The following VPS13B variants were observed in gnomAD, a reference collection of about 807,000 sequenced individuals.
VPS13B encodes vacuolar protein sorting 13 homolog B, also known as intermembrane lipid transfer protein VPS13B.
A neutral mutation model predicts 426.4 loss-of-function variants in VPS13B; 285 were observed. The ratio of observed to expected loss-of-function variants is 0.67; its 90% CI spans 0.61 to 0.74. VPS13B has a LOEUF of 0.74. Among genes scored for constraint, VPS13B ranks in the 30% least tolerant of loss-of-function variants. The pLI is 0.00. For missense variants in VPS13B, 4,537 were observed against 4,782.6 expected, an observed-to-expected ratio of 0.95 and a Z score of 1.51; for synonymous variants, 1,676 against 1,676.4, an observed-to-expected ratio of 1.00 and a Z score of 0.01.
In VPS13B at chr8:99,853,579, G is replaced by C. The variant is rs1032791315; in HGVS notation, c.10190G>C (p.Cys3397Ser). 2.2e-5 allele frequency: 35 copies of C among 1,614,072 alleles called. No individual in the cohort carries two copies. Among genetic ancestry groups the C allele is most frequent in the Non-Finnish European group, 2.8e-5 (33 of 1,180,040 alleles). Residue 3397 changes from cysteine to serine, a missense_variant, in exon 56 of 62, where the codon TGT becomes TCT. Coordinates refer to ENST00000357162, the MANE Select transcript of VPS13B (RefSeq NM_152564.5). Reference protein sequence around the residue: ...LRLTLDNIFLCVAPGAGPLPG... With the variant: ...LRLTLDNIFLSVAPGAGPLPG... Reference sequence around the variant, plus strand: ...CTCACACTGGACAACATTTTTCTCTGTGTGGCCCCGGGAGCTGGTCCCCTC... The same window carrying C: ...CTCACACTGGACAACATTTTTCTCTCTGTGGCCCCGGGAGCTGGTCCCCTC...
At chr8:99,061,031 TTA>T (rs1844155883) in intron 3 of VPS13B, among the ~76,000 whole-genome samples, 1 of 152,154 alleles carries the variant, frequency 6.6e-6, no homozygotes, top group Non-Finnish European at 1.5e-5. Flanking sequence ...ACACTATAAT[TTA>T]TGTCTAAATG....
chr8:99,334,754 G>T (rs1051016295), intron 19 of VPS13B, among the ~76,000 whole-genome samples: 10 of 152,080 alleles, frequency 6.6e-5, no homozygotes, highest in Admixed American at 3.3e-4. Context: ...GCTGGATTCG[G>T]TTTGCCAGTA....
chr8:99,792,726 G>A (rs1470500256), intron 43 of VPS13B, among the ~76,000 whole-genome samples: 4 of 152,106 alleles, frequency 2.6e-5, no homozygotes, highest in African/African-American at 9.7e-5. Context: ...CTTGAGTAGA[G>A]TCTTACCAAG....
intron 33 of VPS13B, among the ~76,000 whole-genome samples, chr8:99,633,742 A>G (rs1388086390): frequency 6.6e-6 from 1 of 150,618 alleles, no homozygotes; most frequent in East Asian, 2.0e-4. Context: ...ATTTCAAAGC[A>G]GGTTGTTGTT....
In VPS13B at chr8:99,135,584, A is replaced by G. The variant is rs371878090; in HGVS notation, c.1426-12A>G. ...TTTTCTTCCCATTTATAAATTTTGC[A>G]TTTGTTTTCAGGAAGCCTGTTTCTT... is the stretch of plus-strand genomic sequence containing the variant. On this transcript the variant is annotated splice_polypyrimidine_tract_variant and intron_variant, in intron 10 of 61. Coordinates refer to ENST00000357162, the MANE Select transcript of VPS13B (RefSeq NM_152564.5). 1.2e-6 allele frequency: 2 copies of G among 1,612,104 alleles called. No homozygotes were observed. Among genetic ancestry groups the G allele is most frequent in the Non-Finnish European group, 8.5e-7 (1 of 1,178,838 alleles).
At chr8:99,303,701 C>T (rs994060507) in intron 19 of VPS13B, among the ~76,000 whole-genome samples, 2 of 111,340 alleles carry the variant, frequency 1.8e-5, no homozygotes, top group Non-Finnish European at 1.7e-5. Context: ...TGCACTCCAG[C>T]GTGGGTGAGA....
intron 16 of VPS13B, among the ~76,000 whole-genome samples, chr8:99,184,035 C>T (rs555346592): frequency 5.3e-5 from 8 of 152,166 alleles, no homozygotes; most frequent in Non-Finnish European, 1.2e-4. Context: ...GGTTCATCTA[C>T]CTTGTAACAT....
At chr8:99,675,972 ATT>A (rs1830916611) in intron 35 of VPS13B, among the ~76,000 whole-genome samples, 1 of 151,584 alleles carries the variant, frequency 6.6e-6, no homozygotes, top group Admixed American at 6.6e-5. Context: ...CTAGCACTCT[ATT>A]TTGTTTGGTG....
intron 33 of VPS13B, among the ~76,000 whole-genome samples, chr8:99,587,052 T>C (rs568921745): frequency 1.3e-5 from 2 of 152,144 alleles, no homozygotes; most frequent in Non-Finnish European, 2.9e-5. Flanking sequence ...AGTTCCCACC[T>C]ATGAGTGAGA....
At chr8:99,803,942 T>C (rs963838544) in intron 43 of VPS13B, among the ~76,000 whole-genome samples, 3 of 152,232 alleles carry the variant, frequency 2.0e-5, no homozygotes, top group African/African-American at 4.8e-5. Context: ...GATATTTTAA[T>C]ATCAGTACTG....
intron 39 of VPS13B, among the ~76,000 whole-genome samples, chr8:99,737,961 A>G (rs1833913884): frequency 6.6e-6 from 1 of 152,242 alleles, no homozygotes; most frequent in African/African-American, 2.4e-5. Flanking sequence ...GGAAATACCC[A>G]CCAAAGGGCA....
intron 29 of VPS13B, among the ~76,000 whole-genome samples, chr8:99,516,591 C>T (rs1036675730): frequency 5.3e-5 from 8 of 151,780 alleles, no homozygotes; most frequent in Non-Finnish European, 1.0e-4. Flanking sequence ...GAGTTTGAGA[C>T]TAGCCTGGGC....
intron 39 of VPS13B, among the ~76,000 whole-genome samples, chr8:99,757,590 A>G (rs1431059352): frequency 6.6e-6 from 1 of 152,236 alleles, no homozygotes; most frequent in African/African-American, 2.4e-5. Context: ...TCTTGGCAGT[A>G]CTATTAAGTA....
chr8:99,487,013 A>G (rs1053265508), intron 25 of VPS13B, among the ~76,000 whole-genome samples: 2 of 151,984 alleles, frequency 1.3e-5, no homozygotes, highest in African/African-American at 4.8e-5. Flanking sequence ...CTTAAAGGGC[A>G]GGAGAGAGAG....
chr8:99,437,139 C>T (rs1160464385), intron 22 of VPS13B, among the ~76,000 whole-genome samples: 4 of 152,064 alleles, frequency 2.6e-5, no homozygotes, highest in Admixed American at 6.5e-5. Context: ...TTAAAGGTTT[C>T]GAATGATTAT....
intron 12 of VPS13B, 94 bp downstream of exon 12, chr8:99,136,846 C>CTT: frequency 8.4e-7 from 1 of 1,185,548 alleles, no homozygotes; most frequent in Non-Finnish European, 1.3e-6. Context: ...TTGTACTCTG[C>CTT]TACATAAGAT....
chr8:99,152,366 A>G (rs139344351), intron 14 of VPS13B, among the ~76,000 whole-genome samples: 2 of 152,304 alleles, frequency 1.3e-5, no homozygotes, highest in Admixed American at 6.5e-5. Context: ...CTCATAGCAG[A>G]CATTGTATGA....
chr8:99,088,472 T>G (rs1489372513), intron 3 of VPS13B, among the ~76,000 whole-genome samples: 3 of 152,144 alleles, frequency 2.0e-5, no homozygotes, highest in South Asian at 2.1e-4. Context: ...CAGAGGATTT[T>G]GGGGGAAACA....
Position 99,501,694 on chromosome 8 carries a change from C to T in VPS13B, c.3878C>T (p.Ser1293Phe). The change falls in exon 26 of 62, where the codon TCT becomes TTT. Residue 1293 changes from serine to phenylalanine, a missense_variant. This residue lies in a region of VPS13B where 4,311 missense variants were observed against 4,474.3 expected (regional missense o/e 0.96). Coordinates refer to ENST00000357162, the MANE Select transcript of VPS13B (RefSeq NM_152564.5). ...ADIGTTTEGD[S>F]IQAGEESPFS... is the part of the protein sequence containing the mutation. ...TTTTTCTCCTCATCCCAGGGAGATTCTATACAAGCAGGTGAGGAATCACCA... is the reference window on the plus strand; with the variant it reads ...TTTTTCTCCTCATCCCAGGGAGATTTTATACAAGCAGGTGAGGAATCACCA... 1 of 1,613,832 alleles carries T rather than the reference C, an allele frequency of 6.2e-7. No homozygotes were observed. The highest frequency in any genetic ancestry group is 8.5e-7 in the Non-Finnish European group (1 of 1,179,946).
Sources: allele counts gnomAD v4.1 joint callset (sites outside exome capture counted in the v4.1 genomes callset), GRCh38; gene constraint gnomAD v4.1.1; regional missense constraint gnomAD v4.1.1; transcripts MANE v1.5; gene names NCBI Gene and HGNC (gene_info 2026-07-23, HGNC 2026-07-21).